Variants in ATP2B4 observed in about 807,000 individuals in gnomAD.
ATP2B4 encodes the protein ATPase plasma membrane Ca2+ transporting 4.
In ATP2B4, 39 loss-of-function variants were observed where a neutral mutation model predicts 110.3. The observed-to-expected ratio is 0.35, with a 90% CI of 0.27 to 0.46. The LOEUF is 0.46. Among genes scored for constraint, ATP2B4 ranks in the 20% least tolerant of loss-of-function variants. The probability of loss-of-function intolerance (pLI) is 1.00; values close to 1 mark genes in which losing one functional copy is unlikely to be tolerated. For missense variants in ATP2B4, 1,135 were observed against 1,530.9 expected, an observed-to-expected ratio of 0.74 and a Z score of 4.32; for synonymous variants, 538 against 571.7, an observed-to-expected ratio of 0.94 and a Z score of 0.84.
rs187711985 is a variant in ATP2B4, at chr1:203,695,497, C to T, written c.194-2660C>T. On this transcript the variant is annotated intron_variant, in intron 2 of 20. Transcript: ENST00000357681. ...GGTTTGGCCAAACCTCACAGCTCTG[C>T]GGGGCTCAGCTGTGCCCCTAAGCTG... 2.7e-3 allele frequency among the ~76,000 whole-genome samples: 405 copies of T among 152,254 alleles called. 1 individual carries two copies. The Middle Eastern group carries it at 0.027, about 10-fold the overall frequency.
At chr1:203,633,257 A>G (rs1663331159) in intron 1 of ATP2B4, among the ~76,000 whole-genome samples, 1 of 152,244 alleles carries the variant, frequency 6.6e-6, no homozygotes, top group Non-Finnish European at 1.5e-5. Context: ...CTATTTTGAC[A>G]GTTGACATGG....
intron 20 of ATP2B4, chr1:203,728,154 C>G: frequency 2.2e-6 from 1 of 464,554 alleles, no homozygotes; most frequent in Non-Finnish European, 4.4e-6. Flanking sequence ...GTCTGAGCAT[C>G]TTTTGCAGGA....
At chr1:203,718,178 A>G (rs1392936992) in intron 15 of ATP2B4, among the ~76,000 whole-genome samples, 1 of 152,114 alleles carries the variant, frequency 6.6e-6, no homozygotes, top group East Asian at 1.9e-4. Context: ...TACTTTTAGA[A>G]TTACATATTT....
chr1:203,671,679 T>C (rs1664667122), intron 1 of ATP2B4, among the ~76,000 whole-genome samples: 1 of 152,208 alleles, frequency 6.6e-6, no homozygotes, highest in South Asian at 2.1e-4. Context: ...CTGTTACTCA[T>C]CCATCAGCAT....
intron 18 of ATP2B4, 145 bp downstream of exon 18, chr1:203,722,834 T>G: frequency 1.3e-6 from 1 of 774,964 alleles, no homozygotes. Flanking sequence ...GGATTCCCAA[T>G]CTGCTTTCTT....
chr1:203,695,965 T>C (rs1330976187), intron 2 of ATP2B4, among the ~76,000 whole-genome samples: 1 of 152,198 alleles, frequency 6.6e-6, no homozygotes, highest in East Asian at 1.9e-4. Context: ...AGTCTCTCTC[T>C]CGCCCAGGCT....
Position 203,700,231 on chromosome 1 carries a change from C to T in ATP2B4, c.675C>T (p.Ile225=), listed in dbSNP as rs1665651032. Residue 225 remains isoleucine (I), a synonymous_variant, in exon 5 of 21, where the codon ATC becomes ATT. Coordinates refer to ENST00000357681, the MANE Select transcript of ATP2B4 (RefSeq NM_001684.5). ...KYGDLLPADG[I]LIQGNDLKID... ...GTGATCTGCTGCCTGCAGATGGAAT[C>T]CTGATCCAAGGGAATGATCTGAAGA... 3.1e-6 allele frequency: 5 copies of T among 1,613,786 alleles called. No homozygotes were observed. The East Asian group carries it at 8.9e-5, about 29-fold the overall frequency.
intron 14 of ATP2B4, among the ~76,000 whole-genome samples, 189 bp downstream of exon 14, chr1:203,713,441 T>G (rs185271086): frequency 7.0e-4 from 106 of 151,798 alleles, no homozygotes; most frequent in Middle Eastern, 6.8e-3. Flanking sequence ...CACAATAAAG[T>G]TGTTGGGTTT....
chr1:203,728,577 G>A (rs375036832), intron 20 of ATP2B4, among the ~76,000 whole-genome samples: 1 of 152,150 alleles, frequency 6.6e-6, no homozygotes, highest in Admixed American at 6.5e-5. Context: ...TCCCCAGTCG[G>A]CCAGGCATGG....
chr1:203,671,185 G>A (rs1006080178), intron 1 of ATP2B4, among the ~76,000 whole-genome samples: 4 of 152,160 alleles, frequency 2.6e-5, no homozygotes, highest in Admixed American at 6.5e-5. Flanking sequence ...CTCACATGTT[G>A]TTTAGTGATT....
intron 20 of ATP2B4, among the ~76,000 whole-genome samples, chr1:203,734,219 C>T (rs1666818498): frequency 6.6e-6 from 1 of 151,700 alleles, no homozygotes; most frequent in Non-Finnish European, 1.5e-5. Context: ...AGGAGAATCA[C>T]TTGAACTCAG....
At chr1:203,645,181 G>T (rs1487383051) in intron 1 of ATP2B4, among the ~76,000 whole-genome samples, 1 of 152,166 alleles carries the variant, frequency 6.6e-6, no homozygotes, top group African/African-American at 2.4e-5. Flanking sequence ...GTGTTTCAGA[G>T]CTCCCCAGGC....
chr1:203,699,689 G>T lies in ATP2B4; in HGVS notation c.621G>T (p.Val207=). The T allele has an allele frequency of 6.2e-7, 1 of 1,614,146 alleles. No individual in the cohort carries two copies. The highest frequency in any genetic ancestry group is 1.1e-5 in the South Asian group (1 of 91,076). The part of the protein sequence containing the change: ...QLIQLPVAEI[V]VGDIAQVKYG... Reference sequence around the variant, plus strand: ...TCCAGCTCCCTGTGGCTGAGATTGTGGTTGGTGATATTGCCCAAGTCAAAT... The same window carrying T: ...TCCAGCTCCCTGTGGCTGAGATTGTTGTTGGTGATATTGCCCAAGTCAAAT... The change falls in exon 4 of 21, where the codon GTG becomes GTT. Residue 207 remains valine (V), a synonymous_variant. Coordinates refer to ENST00000357681, the MANE Select transcript of ATP2B4 (RefSeq NM_001684.5).
rs947689053 is a variant in ATP2B4, at chr1:203,743,859, T to C, written c.*4005T>C. The C allele has an allele frequency of 6.6e-6, 1 of 152,484 alleles. No homozygotes were observed. Among genetic ancestry groups the C allele is most frequent in the Non-Finnish European group, 1.5e-5 (1 of 68,042 alleles). 9.4% of individuals were successfully genotyped at this position (152,484 alleles called of 1,614,324 possible). A position where few individuals can be genotyped will look rare whatever the true frequency, so the allele number is the denominator to read the frequency against. ...AATCTATATTTGCATTTTGATATTA[T>C]TTAAGCTCTATGTACAAGGTTTTGC... On this transcript the variant is annotated 3_prime_UTR_variant, in exon 21 of 21. Transcript: ENST00000357681.
At chr1:203,665,421 G>A (rs1329489751) in intron 1 of ATP2B4, among the ~76,000 whole-genome samples, 1 of 152,200 alleles carries the variant, frequency 6.6e-6, no homozygotes, top group Non-Finnish European at 1.5e-5. Context: ...TAGCAGGCGT[G>A]GGAGATGTTT....
At chr1:203,712,459 C>T (rs572176069) in intron 13 of ATP2B4, among the ~76,000 whole-genome samples, 3 of 152,094 alleles carry the variant, frequency 2.0e-5, no homozygotes, top group East Asian at 3.9e-4. Context: ...GGCATGGTGG[C>T]GTGCACCTGT....
At position 203,707,302 on chromosome 1, in the gene ATP2B4, A is replaced by G. The variant is rs1350351424; in HGVS notation, c.1314+79A>G. The G allele has an allele frequency of 4.8e-5, 67 of 1,396,642 alleles. 2 individuals are homozygous for G. The highest frequency in any genetic ancestry group is 2.9e-6 in the Non-Finnish European group (3 of 1,027,468). 86.5% of individuals were successfully genotyped at this position (1,396,642 alleles called of 1,614,324 possible). A position where few individuals can be genotyped will look rare whatever the true frequency, so the allele number is the denominator to read the frequency against. On this transcript the variant is annotated intron_variant, in intron 9 of 20. Coordinates refer to ENST00000357681, the MANE Select transcript of ATP2B4 (RefSeq NM_001684.5). ...GTACCATGTAACCTTTAGTGAAAAG[A>G]TAAGCCATTCTATCATCTATAAACT...
intron 1 of ATP2B4, among the ~76,000 whole-genome samples, chr1:203,636,259 C>CT (rs1663433438): frequency 6.6e-6 from 1 of 152,180 alleles, no homozygotes; most frequent in Non-Finnish European, 1.5e-5. Flanking sequence ...GCAAGGCCTT[C>CT]TAGGCACTCC....
chr1:203,636,817 A>G (rs893086932), intron 1 of ATP2B4, among the ~76,000 whole-genome samples: 3 of 152,234 alleles, frequency 2.0e-5, no homozygotes, highest in African/African-American at 7.2e-5. Flanking sequence ...AAACTCTTTT[A>G]TCACAGATAG....
Sources: gnomAD v4.1 joint callset for allele counts (sites outside exome capture counted in the v4.1 genomes callset) on GRCh38, gnomAD v4.1.1 for gene constraint, MANE v1.5 for transcripts, NCBI Gene and HGNC (gene_info 2026-07-23, HGNC 2026-07-21) for gene names.